OR1J2: variants seen among roughly 807,000 people sequenced by gnomAD.
OR1J2 encodes the protein olfactory receptor family 1 subfamily J member 2, also known as olfactory receptor 1J2.
For missense variants in OR1J2, 304 were observed against 246.1 expected, an observed-to-expected ratio of 1.24 and a Z score of -1.57; for synonymous variants, 142 against 99.7, an observed-to-expected ratio of 1.42 and a Z score of -2.52.
chr9:122,516,688 C>T (rs1009735689), downstream of OR1J2, among the ~76,000 whole-genome samples: 4 of 152,106 alleles, frequency 2.6e-5, no homozygotes, highest in African/African-American at 9.7e-5. Flanking sequence ...AATCCTAAAT[C>T]CCATGGATTA....
At chr9:122,541,894 A>G in the OR1J2 span, among the ~76,000 whole-genome samples, 2 of 151,882 alleles carry the variant, frequency 1.3e-5, no homozygotes, top group Non-Finnish European at 2.9e-5. Context: ...GCACAGCTCA[A>G]TAATTTTTTC....
At chr9:122,507,848 A>G (rs966623466), upstream of OR1J2, among the ~76,000 whole-genome samples, 1 of 152,146 alleles carries the variant, frequency 6.6e-6, no homozygotes, top group African/African-American at 2.4e-5. Flanking sequence ...ATATTTGCTG[A>G]GCACTATGCA....
the OR1J2 span, chr9:122,477,683 G>A: frequency 6.2e-7 from 1 of 1,614,236 alleles, no homozygotes. Flanking sequence ...ATGTTCATCA[G>A]CATCTTAGGG....
chr9:122,519,806 G>T, the OR1J2 span: 2 of 1,613,974 alleles, frequency 1.2e-6, no homozygotes, highest in African/African-American at 2.7e-5. Context: ...GCCACATTGG[G>T]GTCACCATCC....
the OR1J2 span, among the ~76,000 whole-genome samples, chr9:122,539,677 G>A: frequency 2.0e-5 from 3 of 152,162 alleles, no homozygotes; most frequent in African/African-American, 7.2e-5. Flanking sequence ...CTAGATCCCT[G>A]AGGAATCGCC....
chr9:122,576,935 C>T, the OR1J2 span: 6 of 152,066 alleles, frequency 3.9e-5, no homozygotes, highest in Non-Finnish European at 8.8e-5. Context: ...GTTTGTTAGG[C>T]CTTTTACTCT....
the OR1J2 span, among the ~76,000 whole-genome samples, chr9:122,448,084 T>C: frequency 5.9e-5 from 9 of 152,210 alleles, no homozygotes; most frequent in Non-Finnish European, 1.2e-4. Flanking sequence ...CTGGCACCGG[T>C]CTCTGAGTTC....
chr9:122,526,553 A>C, the OR1J2 span: 3 of 1,612,504 alleles, frequency 1.9e-6, no homozygotes, highest in Admixed American at 3.3e-5. Flanking sequence ...CATAGAACAC[A>C]CAAACAACGC....
the OR1J2 span, among the ~76,000 whole-genome samples, chr9:122,556,989 G>T: frequency 6.6e-6 from 1 of 152,018 alleles, no homozygotes; most frequent in Non-Finnish European, 1.5e-5. Flanking sequence ...ACAAATTGGG[G>T]GCTGCTAGTG....
At chr9:122,570,415 TA>T in the OR1J2 span, among the ~76,000 whole-genome samples, 2 of 152,254 alleles carry the variant, frequency 1.3e-5, no homozygotes, top group African/African-American at 2.4e-5. Context: ...AATTTTCACA[TA>T]TTTTTAAATG....
the OR1J2 span, among the ~76,000 whole-genome samples, chr9:122,495,767 T>C: frequency 6.6e-6 from 1 of 152,108 alleles, no homozygotes; most frequent in East Asian, 1.9e-4. Context: ...AACCTTGTTT[T>C]GTTGTATTAC....
At chr9:122,568,670 T>C in the OR1J2 span, 7 of 518,934 alleles carry the variant, frequency 1.3e-5, no homozygotes, top group East Asian at 1.2e-4. Context: ...ATGGGCTCCA[T>C]AAGGGCATTA....
chr9:122,578,049 A>C, the OR1J2 span, among the ~76,000 whole-genome samples: 1 of 152,270 alleles, frequency 6.6e-6, no homozygotes, highest in African/African-American at 2.4e-5. Context: ...AATGTAAATT[A>C]GTACAACCAC....
chr9:122,544,422 T>C, the OR1J2 span, among the ~76,000 whole-genome samples: 6,116 of 142,692 alleles, frequency 0.043, 152 homozygotes, highest in Middle Eastern at 0.07. Flanking sequence ...TTTCTTTTTT[T>C]TTTTTTTTTT....
chr9:122,451,023 A>G, the OR1J2 span, among the ~76,000 whole-genome samples: 1 of 152,086 alleles, frequency 6.6e-6, no homozygotes, highest in South Asian at 2.1e-4. Context: ...GGACCATATT[A>G]TTCAATGAGC....
At chr9:122,576,703 ACT>A in the OR1J2 span, 1 of 152,050 alleles carries the variant, frequency 6.6e-6, no homozygotes, top group Non-Finnish European at 1.5e-5. Context: ...AGAGATTTTA[ACT>A]CTCAGACTTG....
At chr9:122,453,028 C>CAAAA in the OR1J2 span, among the ~76,000 whole-genome samples, 1 of 93,460 alleles carries the variant, frequency 1.1e-5, no homozygotes. Flanking sequence ...AGCTTCGTCT[C>CAAAA]AAAAAAAAAA....
At chr9:122,534,238 A>G in the OR1J2 span, among the ~76,000 whole-genome samples, 291 of 152,216 alleles carry the variant, frequency 1.9e-3, 2 homozygotes, top group African/African-American at 6.6e-3. Flanking sequence ...GGGGAGGTTA[A>G]TTAAGTCCTG....
At chr9:122,521,828 C>G in the OR1J2 span, among the ~76,000 whole-genome samples, 1 of 152,210 alleles carries the variant, frequency 6.6e-6, no homozygotes, top group Admixed American at 6.5e-5. Context: ...TCTGCCTAGT[C>G]TTGTCAGGCC....
Sources: gnomAD v4.1 joint callset for allele counts (sites outside exome capture counted in the v4.1 genomes callset) on GRCh38, gnomAD v4.1.1 for gene constraint, MANE v1.5 for transcripts, NCBI Gene and HGNC (gene_info 2026-07-23, HGNC 2026-07-21) for gene names.